The following RFC5 variants were observed in gnomAD, a reference collection of about 807,000 sequenced individuals.
RFC5 encodes replication factor C subunit 5, also known as A1 36 kDa subunit.
RFC5 carries 26 observed loss-of-function variants against 44.3 expected under a neutral mutation model. The observed-to-expected ratio is 0.59, with a 90% CI of 0.43 to 0.81. The LOEUF (loss-of-function observed/expected upper bound fraction) is 0.81. Among genes scored for constraint, RFC5 ranks in the 40% least tolerant of loss-of-function variants. RFC5 has a pLI of 0.00. For synonymous variants in RFC5, 155 were observed against 155.2 expected (o/e 1.00, Z 0.01); for missense variants, 328 against 418.6 (o/e 0.78, Z 1.89).
chr12:118,020,055 G>T (rs1004549963), intron 3 of RFC5, among the ~76,000 whole-genome samples: 1 of 152,130 alleles, frequency 6.6e-6, no homozygotes, highest in Admixed American at 6.6e-5. Flanking sequence ...GTCTGCCATG[G>T]CCCCTCTAGA....
At chr12:118,036,211 C>T (rs1406467158), downstream of RFC5, 4 of 1,132,166 alleles carry the variant, frequency 3.5e-6, no homozygotes, top group African/African-American at 6.2e-5. Flanking sequence ...CAAAAGAGAC[C>T]CACTGTGCCT....
chr12:118,029,969 T>C, intron 10 of RFC5, 144 bp downstream of exon 10: 2 of 704,306 alleles, frequency 2.8e-6, no homozygotes, highest in Admixed American at 2.2e-5. Flanking sequence ...TTGAATGGAA[T>C]GTGGGGAAGG....
At chr12:118,035,494 T>C (rs2031491237), downstream of RFC5, among the ~76,000 whole-genome samples, 1 of 152,170 alleles carries the variant, frequency 6.6e-6, no homozygotes, top group African/African-American at 2.4e-5. Context: ...AAAAAGGGTA[T>C]CTCAGAAGGC....
At chr12:118,038,288 C>T in the RFC5 span, 2 of 1,612,714 alleles carry the variant, frequency 1.2e-6, no homozygotes, top group Non-Finnish European at 8.5e-7. Flanking sequence ...GGAGACTCAC[C>T]GACTTCTCTC....
the RFC5 span, among the ~76,000 whole-genome samples, chr12:118,038,549 A>G: frequency 6.6e-6 from 1 of 152,182 alleles, no homozygotes; most frequent in Non-Finnish European, 1.5e-5. Context: ...AAGAAATATG[A>G]CCAGATTTGT....
rs571354017 is a variant in RFC5, at chr12:118,029,845, G to C, written c.926+20G>C. ...CATTGAGTGAGTACTTCTTGCCCCA[G>C]TTTTAATTCTTTTCTTCCTTTTTTC... On this transcript the variant is annotated intron_variant, in intron 10 of 10. Coordinates refer to ENST00000454402, the MANE Select transcript of RFC5 (RefSeq NM_007370.7). 6.5e-7 allele frequency: 1 copy of C among 1,543,002 alleles called. No individual in the cohort carries two copies. The highest frequency in any genetic ancestry group is 1.4e-5 in the African/African-American group (1 of 73,060).
rs747928373 is a variant in RFC5, at chr12:118,031,942, G to C, written c.*664G>C. The C allele has an allele frequency of 2.0e-5, 3 of 152,164 alleles. No homozygotes were observed. Among genetic ancestry groups the C allele is most frequent in the African/African-American group, 7.2e-5 (3 of 41,454 alleles). 9.4% of individuals were successfully genotyped at this position (152,164 alleles called of 1,614,324 possible). ...CTGGGTGGCAGAGGCTGTATAAAAC[G>C]CACTTGTTTTCATGCAGGAGCGGGG... On this transcript the variant is annotated 3_prime_UTR_variant, in exon 11 of 11. Coordinates refer to ENST00000454402, the MANE Select transcript of RFC5 (RefSeq NM_007370.7).
At chr12:118,036,383 A>G, downstream of RFC5, 2 of 1,614,150 alleles carry the variant, frequency 1.2e-6, no homozygotes, top group Non-Finnish European at 1.7e-6. Context: ...CCACATAATC[A>G]CATTGGTATC....
At chr12:118,030,788 A>G (rs561976035) in intron 10 of RFC5, among the ~76,000 whole-genome samples, 9 of 152,230 alleles carry the variant, frequency 5.9e-5, no homozygotes, top group Admixed American at 2.0e-4. Context: ...ACAGGCATGC[A>G]CTACCATGCC....
In RFC5 at chr12:118,016,867, G is replaced by A. The variant is rs2030115202; in HGVS notation, c.40G>A (p.Ala14Thr). ...ACTCAAGCAGCAGGAGCAGCCCGCG[G>A]CGACCAAGATCAGGAACCTGCCCTG... ...SALKQQEQPA[A>T]TKIRNLPWVE... Residue 14 changes from alanine to threonine, a missense_variant, in exon 1 of 11, where the codon GCG (alanine) becomes ACG (threonine). Ala to Thr is a moderately conservative substitution (Grantham distance 58). Coordinates refer to ENST00000454402, the MANE Select transcript of RFC5 (RefSeq NM_007370.7). The A allele has an allele frequency of 1.2e-6, 2 of 1,613,612 alleles. No homozygotes were observed. Among genetic ancestry groups the A allele is most frequent in the East Asian group, 4.5e-5 (2 of 44,850 alleles).
downstream of RFC5, chr12:118,033,906 C>G (rs2031437936): frequency 2.7e-6 from 1 of 376,980 alleles, no homozygotes; most frequent in African/African-American, 2.1e-5. Context: ...CACTTTGAAT[C>G]AAAACAAGCA....
At chr12:118,035,203 C>G, downstream of RFC5, 1 of 1,614,038 alleles carries the variant, frequency 6.2e-7, no homozygotes, top group East Asian at 2.2e-5. Flanking sequence ...AAAGAGAGTT[C>G]TCTTCGTTAC....
intron 10 of RFC5, 146 bp downstream of exon 10, chr12:118,029,971 T>C (rs981538409): frequency 1.4e-6 from 1 of 695,954 alleles, no homozygotes; most frequent in Non-Finnish European, 2.6e-6. Flanking sequence ...GAATGGAATG[T>C]GGGGAAGGGT....
chr12:118,025,625 ACT>A, intron 6 of RFC5, 120 bp from the exon 7 acceptor site: 1 of 654,988 alleles, frequency 1.5e-6, no homozygotes, highest in Non-Finnish European at 2.8e-6. Flanking sequence ...GAGATTATTA[ACT>A]CTGTTCCTCT....
At position 118,031,296 on chromosome 12, in the gene RFC5, C is replaced by G. The variant is rs1048588937; in HGVS notation, c.*18C>G. 4.6e-6 allele frequency: 7 copies of G among 1,519,816 alleles called. No homozygotes were observed. Among genetic ancestry groups the G allele is most frequent in the Non-Finnish European group, 6.4e-6 (7 of 1,095,174 alleles). The allele number at this position is 1,519,816 out of a possible 1,614,324, so 94.1% of individuals were successfully genotyped here. On this transcript the variant is annotated 3_prime_UTR_variant, in exon 11 of 11. Coordinates refer to ENST00000454402, the MANE Select transcript of RFC5 (RefSeq NM_007370.7). Reference sequence around the variant, plus strand: ...AGGCCTAGATGCTCTGAGGGCCATTCACAATTCTCAGGGCTCAGCAGTGAT... The same window carrying G: ...AGGCCTAGATGCTCTGAGGGCCATTGACAATTCTCAGGGCTCAGCAGTGAT...
At chr12:118,017,937 C>T in intron 1 of RFC5, 1 of 681,452 alleles carries the variant, frequency 1.5e-6, no homozygotes, top group Non-Finnish European at 2.7e-6. Flanking sequence ...AATTTCATCA[C>T]CCCAAATGGA....
the RFC5 span, among the ~76,000 whole-genome samples, chr12:118,039,537 G>T: frequency 1.3e-5 from 2 of 152,072 alleles, no homozygotes; most frequent in Non-Finnish European, 2.9e-5. Context: ...ATATGGAAGG[G>T]TATATACTCC....
At chr12:118,037,670 A>T (rs1312978155), downstream of RFC5, among the ~76,000 whole-genome samples, 1 of 149,376 alleles carries the variant, frequency 6.7e-6, no homozygotes. Flanking sequence ...CTCTGTCTAA[A>T]AAAAAAAAAA....
chr12:118,024,594 T>C (rs1268620418), intron 5 of RFC5, among the ~76,000 whole-genome samples: 1 of 151,714 alleles, frequency 6.6e-6, no homozygotes, highest in Non-Finnish European at 1.5e-5. Context: ...CCTGGCTAAA[T>C]TTTGTATTTT....
Sources: gnomAD v4.1 joint callset for allele counts (sites outside exome capture counted in the v4.1 genomes callset) on GRCh38, gnomAD v4.1.1 for gene constraint, MANE v1.5 for transcripts, NCBI Gene and HGNC (gene_info 2026-07-23, HGNC 2026-07-21) for gene names.